CCSER1: variants seen among roughly 807,000 people sequenced by gnomAD.
CCSER1 encodes serine-rich coiled-coil domain-containing protein 1.
CCSER1 carries 41 observed loss-of-function variants against 82.0 expected under a neutral mutation model. The observed-to-expected ratio is 0.50, with a 90% CI of 0.39 to 0.65. CCSER1 has a LOEUF of 0.65. Ranked by LOEUF, CCSER1 falls within the 30% of genes least tolerant of loss-of-function variation. The pLI is 0.00. For synonymous variants in CCSER1, 414 were observed against 383.9 expected (o/e 1.08, Z -0.92); for missense variants, 1,119 against 1,064.2 (o/e 1.05, Z -0.72).
chr4:91,281,206 C>A (rs1581897665), intron 10 of CCSER1, among the ~76,000 whole-genome samples: 1 of 152,220 alleles, frequency 6.6e-6, no homozygotes, highest in East Asian at 1.9e-4. Flanking sequence ...ATGTCTTAGG[C>A]ATTTCTTGTC....
intron 10 of CCSER1, among the ~76,000 whole-genome samples, chr4:91,488,111 A>G (rs1198435812): frequency 1.3e-5 from 2 of 152,154 alleles, no homozygotes; most frequent in African/African-American, 2.4e-5. Flanking sequence ...TTTTAATAGT[A>G]TACTTCAAAA....
chr4:91,394,703 T>G (rs1382174191), intron 10 of CCSER1, among the ~76,000 whole-genome samples: 3 of 152,088 alleles, frequency 2.0e-5, no homozygotes, highest in African/African-American at 7.2e-5. Flanking sequence ...AAGCAAAATT[T>G]AAAACACCAG....
intron 1 of CCSER1, among the ~76,000 whole-genome samples, chr4:90,305,222 A>G (rs1442313892): frequency 6.6e-6 from 1 of 152,094 alleles, no homozygotes; most frequent in Non-Finnish European, 1.5e-5. Context: ...GGCCTCATTT[A>G]CTGTTAATGC....
intron 5 of CCSER1, among the ~76,000 whole-genome samples, chr4:90,491,372 T>A (rs568386226): frequency 1.3e-5 from 2 of 152,330 alleles, no homozygotes; most frequent in African/African-American, 4.8e-5. Flanking sequence ...TGATTTTATA[T>A]CCTGAGACTG....
intron 10 of CCSER1, among the ~76,000 whole-genome samples, chr4:91,471,992 AAAAG>A (rs1407208546): frequency 5.0e-4 from 76 of 151,900 alleles, no homozygotes; most frequent in African/African-American, 1.7e-3. Context: ...AAAAAGAAAA[AAAAG>A]AAAAAAACTA....
At chr4:90,743,502 C>T (rs1050182735) in intron 7 of CCSER1, among the ~76,000 whole-genome samples, 1 of 152,096 alleles carries the variant, frequency 6.6e-6, no homozygotes, top group Admixed American at 6.5e-5. Context: ...TGATGGGAAG[C>T]CTTATGTCAG....
At chr4:91,155,347 T>G (rs561798574) in intron 10 of CCSER1, among the ~76,000 whole-genome samples, 5 of 152,020 alleles carry the variant, frequency 3.3e-5, no homozygotes, top group Admixed American at 2.0e-4. Context: ...CTTTTTGCTC[T>G]TTCTTCATCT....
chr4:91,231,476 G>A (rs1243794854), intron 10 of CCSER1, among the ~76,000 whole-genome samples: 2 of 151,752 alleles, frequency 1.3e-5, no homozygotes, highest in Non-Finnish European at 3.0e-5. Flanking sequence ...GAATTAACAT[G>A]TTTGAGTAAT....
At chr4:91,443,000 C>A (rs550215802) in intron 10 of CCSER1, among the ~76,000 whole-genome samples, 1 of 151,852 alleles carries the variant, frequency 6.6e-6, no homozygotes, top group Admixed American at 6.6e-5. Flanking sequence ...TGTGGAGAAA[C>A]AGGAACACTT....
chr4:90,870,875 T>C (rs1165140080), intron 8 of CCSER1, among the ~76,000 whole-genome samples: 3 of 150,490 alleles, frequency 2.0e-5, no homozygotes, highest in Non-Finnish European at 4.5e-5. Flanking sequence ...TCATTACTTG[T>C]TATGGTCTAT....
At chr4:91,149,980 G>A (rs537325577) in intron 10 of CCSER1, among the ~76,000 whole-genome samples, 9 of 152,078 alleles carry the variant, frequency 5.9e-5, no homozygotes, top group South Asian at 2.1e-4. Context: ...TTGGTTCCAT[G>A]TGAACTTTAA....
chr4:91,361,332 C>G (rs1281742097), intron 10 of CCSER1, among the ~76,000 whole-genome samples: 2 of 151,780 alleles, frequency 1.3e-5, no homozygotes, highest in Non-Finnish European at 2.9e-5. Flanking sequence ...AAAATACCAA[C>G]AGCAGAAAGA....
chr4:90,849,650 G>A (rs1402855526), intron 8 of CCSER1, among the ~76,000 whole-genome samples: 2 of 151,792 alleles, frequency 1.3e-5, no homozygotes, highest in African/African-American at 2.4e-5. Context: ...TTAGCCAGAT[G>A]TGGTGGCAGG....
intron 7 of CCSER1, among the ~76,000 whole-genome samples, chr4:90,729,611 C>T (rs1280615306): frequency 1.3e-5 from 2 of 152,172 alleles, no homozygotes; most frequent in East Asian, 1.9e-4. Context: ...CGCAGTGGCT[C>T]ACGCCTGTAA....
At chr4:90,167,845 G>A (rs541986140) in intron 1 of CCSER1, among the ~76,000 whole-genome samples, 38 of 152,136 alleles carry the variant, frequency 2.5e-4, no homozygotes, top group African/African-American at 8.4e-4. Flanking sequence ...TGGTGTATAT[G>A]TGCCACATTT....
At chr4:90,668,927 G>A (rs940365324) in intron 6 of CCSER1, among the ~76,000 whole-genome samples, 3 of 151,944 alleles carry the variant, frequency 2.0e-5, no homozygotes, top group Non-Finnish European at 2.9e-5. Context: ...ACAGTAAGGG[G>A]ATGAATCATG....
intron 8 of CCSER1, among the ~76,000 whole-genome samples, chr4:90,904,962 A>T (rs979618324): frequency 6.6e-6 from 1 of 152,112 alleles, no homozygotes; most frequent in Non-Finnish European, 1.5e-5. Context: ...TTCTCATATC[A>T]GGAATATCAC....
intron 3 of CCSER1, among the ~76,000 whole-genome samples, chr4:90,393,707 A>C (rs1405671786): frequency 6.6e-6 from 1 of 151,922 alleles, no homozygotes; most frequent in African/African-American, 2.4e-5. Context: ...TAAAAATATT[A>C]ATAAAGAGAT....
At chr4:90,324,022 G>A (rs1215582232) in intron 3 of CCSER1, among the ~76,000 whole-genome samples, 4 of 152,134 alleles carry the variant, frequency 2.6e-5, no homozygotes, top group African/African-American at 9.7e-5. Context: ...TGGCTGCATA[G>A]TATTCCATGG....
Sources: allele counts gnomAD v4.1 joint callset (sites outside exome capture counted in the v4.1 genomes callset), GRCh38; gene constraint gnomAD v4.1.1; transcripts MANE v1.5; gene names NCBI Gene and HGNC (gene_info 2026-07-23, HGNC 2026-07-21).